GPATCH8: variants seen among roughly 807,000 people sequenced by gnomAD.
The protein encoded by GPATCH8 is G patch domain-containing protein 8.
GPATCH8 carries 18 observed loss-of-function variants against 118.3 expected under a neutral mutation model. The observed-to-expected ratio is 0.15, with a 90% CI of 0.11 to 0.23. GPATCH8 has a LOEUF of 0.23. GPATCH8 is among the 10% of genes least tolerant of loss of function. The pLI is 1.00. For synonymous variants in GPATCH8, 659 were observed against 684.7 expected (o/e 0.96, Z 0.59); for missense variants, 1,631 against 1,873.8 (o/e 0.87, Z 2.39).
intron 3 of GPATCH8, chr17:44,436,810 CT>C: frequency 2.0e-6 from 1 of 491,120 alleles, no homozygotes; most frequent in Non-Finnish European, 3.7e-6. Flanking sequence ...ATGCAAAGCA[CT>C]TTTAAGCAAT....
At chr17:44,436,742 G>A in intron 3 of GPATCH8, 197 bp from the exon 4 acceptor site, 1 of 558,560 alleles carries the variant, frequency 1.8e-6, no homozygotes, top group Non-Finnish European at 3.2e-6. Context: ...AACCACCTTG[G>A]CTGACGTCCA....
intron 1 of GPATCH8, among the ~76,000 whole-genome samples, chr17:44,487,922 CTT>C (rs1243028763): frequency 7.4e-5 from 10 of 135,904 alleles, no homozygotes; most frequent in Non-Finnish European, 1.4e-4. Flanking sequence ...AACCAATTAG[CTT>C]TTTTTTTTTT....
At chr17:44,421,428 C>T (rs1194257236) in intron 6 of GPATCH8, among the ~76,000 whole-genome samples, 3 of 149,348 alleles carry the variant, frequency 2.0e-5, no homozygotes, top group Admixed American at 2.0e-4. Context: ...TGCAGTGGCA[C>T]GATCTCGGCT....
intron 3 of GPATCH8, among the ~76,000 whole-genome samples, chr17:44,459,008 C>T (rs2051446856): frequency 6.6e-6 from 1 of 152,286 alleles, no homozygotes; most frequent in Admixed American, 6.5e-5. Context: ...ACAATGGGGA[C>T]CCAACTTTTA....
intron 6 of GPATCH8, among the ~76,000 whole-genome samples, chr17:44,415,975 G>A (rs1347028359): frequency 6.6e-6 from 1 of 152,192 alleles, no homozygotes; most frequent in African/African-American, 2.4e-5. Context: ...AAAGCAGACA[G>A]CTCCCCTAAG....
intron 3 of GPATCH8, among the ~76,000 whole-genome samples, chr17:44,461,304 C>T (rs2051538293): frequency 2.0e-5 from 3 of 152,004 alleles, no homozygotes; most frequent in Non-Finnish European, 2.9e-5. Flanking sequence ...ACCTCAGCCT[C>T]CCTAGTAGCT....
intron 2 of GPATCH8, 42 bp downstream of exon 2, chr17:44,474,783 CCTAA>C (rs750366629): frequency 8.4e-5 from 77 of 918,614 alleles, no homozygotes; most frequent in East Asian, 2.9e-4. Flanking sequence ...ACGAACACTA[CCTAA>C]CTAACTAGCT....
chr17:44,414,131 A>ATATATATATATG (rs1567955647), intron 6 of GPATCH8, among the ~76,000 whole-genome samples: 3 of 26,614 alleles, frequency 1.1e-4, no homozygotes, highest in Non-Finnish European at 2.9e-4. Context: ...ATATATGTGT[A>ATATATATATATG]TATATATATA....
intron 6 of GPATCH8, among the ~76,000 whole-genome samples, chr17:44,408,486 T>C (rs1011932042): frequency 1.3e-5 from 2 of 152,212 alleles, no homozygotes; most frequent in African/African-American, 4.8e-5. Context: ...TGTGTCCATA[T>C]ACATTATGGC....
intron 2 of GPATCH8, among the ~76,000 whole-genome samples, chr17:44,472,035 C>G (rs1461508465): frequency 2.0e-5 from 3 of 151,258 alleles, no homozygotes; most frequent in African/African-American, 7.3e-5. Flanking sequence ...GATCCTGTGC[C>G]CTACTTCTAC....
At chr17:44,468,003 A>ATT (rs554871308) in intron 2 of GPATCH8, among the ~76,000 whole-genome samples, 22 of 142,574 alleles carry the variant, frequency 1.5e-4, no homozygotes, top group Non-Finnish European at 2.5e-4. Context: ...TTATTCCAGG[A>ATT]TTTTTTTTTT....
intron 1 of GPATCH8, among the ~76,000 whole-genome samples, chr17:44,488,745 T>C (rs1968995511): frequency 6.6e-6 from 1 of 151,990 alleles, no homozygotes; most frequent in East Asian, 1.9e-4. Flanking sequence ...AAAATTCTCT[T>C]GTACTATTTT....
chr17:44,469,176 A>G (rs768077075), intron 2 of GPATCH8, among the ~76,000 whole-genome samples: 5 of 152,222 alleles, frequency 3.3e-5, no homozygotes, highest in Admixed American at 1.3e-4. Flanking sequence ...AAAGGAATAT[A>G]ATTTTTAAGC....
chr17:44,440,859 AT>A (rs35065070), intron 3 of GPATCH8, among the ~76,000 whole-genome samples: 4 of 150,726 alleles, frequency 2.7e-5, no homozygotes, highest in Non-Finnish European at 4.4e-5. Context: ...GGGAAACACC[AT>A]TTTTTTTTGA....
Position 44,397,265 on chromosome 17 carries a change from C to G in GPATCH8, c.*303G>C. ...AAAAGCAGAGGGAGGAGGGGATTAT[C>G]TAAACTTGACAGTTTGGAGATGTTG... is the stretch of plus-strand genomic sequence containing the variant. On this transcript the variant is annotated 3_prime_UTR_variant, in exon 8 of 8. Transcript: ENST00000591680. The G allele has an allele frequency of 1.8e-6, 1 of 563,626 alleles. No homozygotes were observed. The highest frequency in any genetic ancestry group is 3.4e-6 in the Non-Finnish European group (1 of 297,692). 34.9% of individuals were successfully genotyped at this position (563,626 alleles called of 1,614,324 possible).
chr17:44,451,162 C>A (rs11871577), intron 3 of GPATCH8, among the ~76,000 whole-genome samples: 4 of 151,866 alleles, frequency 2.6e-5, no homozygotes, highest in African/African-American at 9.7e-5. Context: ...GTCACCCAGG[C>A]GGCTCACTGT....
intron 6 of GPATCH8, among the ~76,000 whole-genome samples, chr17:44,422,459 C>T (rs906548725): frequency 1.3e-5 from 2 of 151,246 alleles, no homozygotes; most frequent in South Asian, 2.1e-4. Flanking sequence ...CAAAGTGCTG[C>T]GATTACAGGT....
rs139981883 is a variant in GPATCH8, at chr17:44,400,157, G to T, written c.1920C>A (p.Ser640Arg). The T allele has an allele frequency of 6.2e-7, 1 of 1,613,902 alleles. No homozygotes were observed. Reference sequence around the variant, plus strand: ...CCCCAGGCTCCTGCTTGTTCAGGCCGCTACAGGCAGACCCTGAAGCAGGTG... The same window carrying T: ...CCCCAGGCTCCTGCTTGTTCAGGCCTCTACAGGCAGACCCTGAAGCAGGTG... ...MDAPASGSACSGLNKQEPGGS... is the reference protein window; with the variant it reads ...MDAPASGSACRGLNKQEPGGS... Residue 640 changes from serine (S) to arginine (R), a missense_variant, in exon 8 of 8, where the codon AGC becomes AGA. Coordinates refer to ENST00000591680, the MANE Select transcript of GPATCH8 (RefSeq NM_001002909.4).
At chr17:44,483,328 G>A (rs1375508246) in intron 1 of GPATCH8, among the ~76,000 whole-genome samples, 4 of 143,128 alleles carry the variant, frequency 2.8e-5, no homozygotes, top group African/African-American at 7.8e-5. Context: ...TCGGCTCACT[G>A]CAACCTCCGC....
Sources: gnomAD v4.1 joint callset for allele counts (sites outside exome capture counted in the v4.1 genomes callset) on GRCh38, gnomAD v4.1.1 for gene constraint, MANE v1.5 for transcripts, NCBI Gene and HGNC (gene_info 2026-07-23, HGNC 2026-07-21) for gene names.